Variants in ARHGAP6 observed in about 807,000 individuals in gnomAD.
ARHGAP6 encodes rho GTPase-activating protein 6.
ARHGAP6 carries 16 observed loss-of-function variants against 55.7 expected under a neutral mutation model. The ratio of observed to expected loss-of-function variants is 0.29; its 90% CI spans 0.19 to 0.44. ARHGAP6 has a LOEUF of 0.44. ARHGAP6 is among the 20% of genes least tolerant of loss of function. The pLI is 1.00. For missense variants in ARHGAP6, 698 were observed against 808.9 expected (o/e 0.86, Z 1.66); for synonymous variants, 382 against 360.9 (o/e 1.06, Z -0.66).
intron 2 of ARHGAP6, among the ~76,000 whole-genome samples, chrX:11,236,498 G>A (rs1218203821): frequency 9.0e-6 from 1 of 111,552 alleles, no homozygotes; most frequent in Non-Finnish European, 1.9e-5. Flanking sequence ...CCTATTTCAG[G>A]GATGTGACAG....
chrX:11,543,506 A>G (rs1356924855), intron 1 of ARHGAP6, among the ~76,000 whole-genome samples: 1 of 112,219 alleles, frequency 8.9e-6, no homozygotes, highest in African/African-American at 3.2e-5. Flanking sequence ...AGCCACCACC[A>G]CCACCACAAA....
chrX:11,542,831 T>C (rs747545566), intron 1 of ARHGAP6, among the ~76,000 whole-genome samples: 6 of 111,917 alleles, frequency 5.4e-5, no homozygotes, highest in Non-Finnish European at 7.5e-5. Flanking sequence ...TGTGAAAATA[T>C]TTCTTTGAGG....
At chrX:11,206,542 C>G (rs1391528708) in intron 2 of ARHGAP6, among the ~76,000 whole-genome samples, 1 of 112,134 alleles carries the variant, frequency 8.9e-6, no homozygotes, top group Admixed American at 9.5e-5. Context: ...GATCTGCCAA[C>G]ATTCAGCTTG....
At chrX:11,614,978 G>A (rs1295411769) in intron 1 of ARHGAP6, among the ~76,000 whole-genome samples, 1 of 110,455 alleles carries the variant, frequency 9.1e-6, no homozygotes, top group Admixed American at 9.6e-5. Flanking sequence ...AGCCTATAGT[G>A]GATGCTGTGG....
At chrX:11,505,014 A>G (rs184692219) in intron 1 of ARHGAP6, among the ~76,000 whole-genome samples, 23 of 111,519 alleles carry the variant, frequency 2.1e-4, no homozygotes, top group Admixed American at 1.8e-3. Context: ...GCTTTTCTTG[A>G]GCAAACTTGG....
chrX:11,491,118 C>G (rs992718708), intron 1 of ARHGAP6, among the ~76,000 whole-genome samples: 5 of 112,111 alleles, frequency 4.5e-5, no homozygotes, highest in African/African-American at 1.3e-4. Flanking sequence ...ACTTGGAAAA[C>G]AGAATGCAAT....
chrX:11,267,932 C>G (rs1020120488), intron 1 of ARHGAP6, among the ~76,000 whole-genome samples: 5 of 111,988 alleles, frequency 4.5e-5, no homozygotes, highest in Non-Finnish European at 5.7e-5. Flanking sequence ...ACTGAAAGAG[C>G]CTTGGAAATA....
intron 2 of ARHGAP6, among the ~76,000 whole-genome samples, chrX:11,213,216 C>G (rs1370244469): frequency 8.8e-6 from 1 of 113,075 alleles, no homozygotes; most frequent in Non-Finnish European, 1.9e-5. Context: ...TGGCCATCAC[C>G]CCGTGGGTGG....
chrX:11,376,711 T>C (rs759356410), intron 1 of ARHGAP6, among the ~76,000 whole-genome samples: 19 of 112,704 alleles, frequency 1.7e-4, no homozygotes, highest in African/African-American at 4.8e-4. Context: ...AAAATGCTTA[T>C]TTTGTGCAGC....
At chrX:11,160,372 G>T (rs773698201) in intron 9 of ARHGAP6, among the ~76,000 whole-genome samples, 1 of 108,533 alleles carries the variant, frequency 9.2e-6, no homozygotes, top group South Asian at 4.1e-4. Context: ...CAGAAGAATG[G>T]CGTGAATCCG....
intron 1 of ARHGAP6, among the ~76,000 whole-genome samples, chrX:11,566,570 C>G (rs1211069845): frequency 8.9e-6 from 1 of 112,330 alleles, no homozygotes; most frequent in East Asian, 2.8e-4. Flanking sequence ...TCTTCTGGAA[C>G]TTGGTTTTCT....
intron 1 of ARHGAP6, among the ~76,000 whole-genome samples, chrX:11,277,425 T>C (rs2047788423): frequency 1.8e-5 from 2 of 110,760 alleles, no homozygotes; most frequent in Admixed American, 1.9e-4. Flanking sequence ...ATGGTAACTA[T>C]GTAGCCAAAA....
chrX:11,503,075 T>C (rs896062919), intron 1 of ARHGAP6, among the ~76,000 whole-genome samples: 1 of 110,371 alleles, frequency 9.1e-6, no homozygotes, highest in African/African-American at 3.3e-5. Context: ...TTTGCATTTT[T>C]AGTAGAGACG....
chrX:11,332,690 T>C (rs2048577052), intron 1 of ARHGAP6, among the ~76,000 whole-genome samples: 2 of 112,486 alleles, frequency 1.8e-5, no homozygotes, highest in South Asian at 7.3e-4. Flanking sequence ...TTCCCCCAGT[T>C]GTAACATCTT....
At chrX:11,645,713 AAAG>A (rs201967295) in intron 1 of ARHGAP6, among the ~76,000 whole-genome samples, 10,502 of 110,860 alleles carry the variant, frequency 0.095, 489 homozygotes, top group East Asian at 0.21. Flanking sequence ...TGAAGACTGC[AAAG>A]AAGAAGCTTG....
intron 1 of ARHGAP6, among the ~76,000 whole-genome samples, chrX:11,620,969 C>A (rs1476559233): frequency 8.9e-6 from 1 of 112,304 alleles, no homozygotes; most frequent in Admixed American, 9.4e-5. Flanking sequence ...CAGCCTCTGT[C>A]TAGACAAAGA....
chrX:11,540,170 C>G (rs1229041510), intron 1 of ARHGAP6, among the ~76,000 whole-genome samples: 2 of 108,216 alleles, frequency 1.8e-5, no homozygotes, highest in Non-Finnish European at 3.8e-5. Context: ...AGGAGAATCA[C>G]TTGAACTCAG....
intron 1 of ARHGAP6, among the ~76,000 whole-genome samples, chrX:11,559,666 G>A (rs745328852): frequency 1.8e-5 from 2 of 111,181 alleles, no homozygotes; most frequent in East Asian, 5.6e-4. Context: ...GGTGGCTCAC[G>A]CCTGTAATCC....
At chrX:11,489,577 A>T (rs2050546000) in intron 1 of ARHGAP6, among the ~76,000 whole-genome samples, 1 of 112,016 alleles carries the variant, frequency 8.9e-6, no homozygotes, top group Non-Finnish European at 1.9e-5. Context: ...CACCAATAAA[A>T]CTTTATTTAC....
Sources: allele counts gnomAD v4.1 joint callset (sites outside exome capture counted in the v4.1 genomes callset), GRCh38; gene constraint gnomAD v4.1.1; transcripts MANE v1.5; gene names NCBI Gene and HGNC (gene_info 2026-07-23, HGNC 2026-07-21).